PAN2: variants seen among roughly 807,000 people sequenced by gnomAD.
PAN2 encodes the protein poly(A) specific ribonuclease subunit PAN2.
In PAN2, 68 loss-of-function variants were observed where a neutral mutation model predicts 133.3. That is an observed-to-expected ratio of 0.51 (90% CI 0.42 to 0.62). The LOEUF is 0.62. PAN2 is among the 20% of genes least tolerant of loss of function. The probability of loss-of-function intolerance (pLI) is 0.00; values close to 1 mark genes in which losing one functional copy is unlikely to be tolerated. For missense variants in PAN2, 1,042 were observed against 1,500.5 expected (o/e 0.69, Z 5.05); for synonymous variants, 462 against 544.6 (o/e 0.85, Z 2.11).
intron 6 of PAN2, 32 bp from the exon 7 acceptor site, chr12:56,326,991 A>G: frequency 6.4e-7 from 1 of 1,552,342 alleles, no homozygotes; most frequent in Non-Finnish European, 8.8e-7. Context: ...ACTGAGCCCT[A>G]GAAAGTGAAA....
chr12:56,324,810 G>C (rs528691431), intron 10 of PAN2, 101 bp from the exon 11 acceptor site: 317 of 1,472,876 alleles, frequency 2.2e-4, no homozygotes, highest in Non-Finnish European at 2.8e-4. Context: ...CCAGAAGCAG[G>C]AGTCCACCGA....
rs1277568792 is a variant in PAN2 at position 56,325,388 on chromosome 12, C to T, written c.1426G>A (p.Val476Ile). 1.9e-6 allele frequency: 3 copies of T among 1,614,204 alleles called. No individual in the cohort carries two copies. The South Asian group carries it at 3.3e-5, about 18-fold the overall frequency. The stretch of plus-strand genomic sequence containing the variant: ...AGATGTGGTTCCTCTTCTCGTCCTA[C>T]TGGTGACTCAGTGACCTGGCTGAAG... ...DSFSQVTESP[V>I]GREEEPHLHM... The change falls in exon 9 of 26, where the codon GTA becomes ATA. Residue 476 changes from valine (V) to isoleucine (I), a missense_variant. Transcript: ENST00000440411.
rs752194855 is a variant in PAN2 at position 56,332,866 on chromosome 12, A to T, written c.229T>A (p.Ser77Thr). The T allele has an allele frequency of 5.4e-5, 87 of 1,614,104 alleles. No homozygotes were observed. The highest frequency in any genetic ancestry group is 3.3e-4 in the Middle Eastern group (2 of 6,084). The change falls in exon 2 of 26, where the codon TCC becomes ACC. Residue 77 changes from serine (S) to threonine (T), a missense_variant. Physicochemically the swap from Ser to Thr is moderately conservative, Grantham distance 58. This residue lies in a region of PAN2 where 908 missense variants were observed against 1,223.5 expected (regional missense o/e 0.74). Coordinates refer to ENST00000440411, the MANE Select transcript of PAN2 (RefSeq NM_014871.6). Reference sequence around the variant, plus strand: ...TCGTGCAAGTCAAAGTGGGAGACGGAAACAGGTACACCCACTTCAGCCACC... The same window carrying T: ...TCGTGCAAGTCAAAGTGGGAGACGGTAACAGGTACACCCACTTCAGCCACC... ...SVVAEVGVPV[S>T]VSHFDLHEEM...
chr12:56,317,542 G>T lies in PAN2; in HGVS notation c.*67C>A. On this transcript the variant is annotated 3_prime_UTR_variant, in exon 26 of 26. Coordinates refer to ENST00000440411, the MANE Select transcript of PAN2 (RefSeq NM_014871.6). ...GGACAAGGTATAGCCAACTTAGGAA[G>T]CCATCTCCCAGTTCTGGGGCTATAG... The T allele has an allele frequency of 7.1e-7, 1 of 1,403,362 alleles. No homozygotes were observed. Among genetic ancestry groups the T allele is most frequent in the Non-Finnish European group, 1.0e-6 (1 of 990,656 alleles). 86.9% of individuals were successfully genotyped at this position (1,403,362 alleles called of 1,614,324 possible). A position where few individuals can be genotyped will look rare whatever the true frequency, so the allele number is the denominator to read the frequency against.
rs777628618 is a variant in PAN2 at position 56,328,392 on chromosome 12, C to T, written c.453-34G>A. ...GAGAGGAAAGGCTAAGGGGCCCAGG[C>T]CTTACAAGCTGCCAATCCCTTAGCC... On this transcript the variant is annotated intron_variant, in intron 3 of 25. Coordinates refer to ENST00000440411, the MANE Select transcript of PAN2 (RefSeq NM_014871.6). 2.9e-5 allele frequency: 47 copies of T among 1,595,970 alleles called. No homozygotes were observed. The Middle Eastern group carries it at 5.0e-4, about 17-fold the overall frequency.
Position 56,317,419 on chromosome 12 carries a change from C to G in PAN2, c.*190G>C, listed in dbSNP as rs1335938753. ...TGCAAAGAATGAAGAAGGAATGAAT[C>G]TGGCTCCTAGAACCTTTGCAACAAT... On this transcript the variant is annotated 3_prime_UTR_variant, in exon 26 of 26. Coordinates refer to ENST00000440411, the MANE Select transcript of PAN2 (RefSeq NM_014871.6). 3.3e-6 allele frequency: 2 copies of G among 608,920 alleles called. No individual in the cohort carries two copies. Among genetic ancestry groups the G allele is most frequent in the Non-Finnish European group, 6.0e-6 (2 of 335,832 alleles). The allele number at this position is 608,920 out of a possible 1,614,324, so 37.7% of individuals were successfully genotyped here. A position where few individuals can be genotyped will look rare whatever the true frequency, so the allele number is the denominator to read the frequency against.
chr12:56,331,745 G>A (rs939439741), intron 2 of PAN2, among the ~76,000 whole-genome samples: 2 of 147,502 alleles, frequency 1.4e-5, no homozygotes, highest in Non-Finnish European at 3.0e-5. Context: ...ACGGAGTCTC[G>A]CTCTGTCACC....
chr12:56,328,286 C>G lies in PAN2; in HGVS notation c.525G>C (p.Gln175His). 1 of 1,609,058 alleles carries G rather than the reference C, an allele frequency of 6.2e-7. No individual in the cohort carries two copies. The highest frequency in any genetic ancestry group is 1.3e-5 in the African/African-American group (1 of 74,952). The change falls in exon 4 of 26, where the codon CAG becomes CAC. Residue 175 changes from glutamine (Q) to histidine (H), a missense_variant. Physicochemically the swap from Gln to His is conservative, Grantham distance 24. Coordinates refer to ENST00000440411, the MANE Select transcript of PAN2 (RefSeq NM_014871.6). ...DSSTLLVGGL[Q>H]NHIIEIDLNT... ...TAAGATCAATCTCTATTATGTGATTCTGCAGCCCACCAACGAGTAGAGTGC... is the reference window on the plus strand; with the variant it reads ...TAAGATCAATCTCTATTATGTGATTGTGCAGCCCACCAACGAGTAGAGTGC...
At chr12:56,320,094 G>T in intron 20 of PAN2, 73 bp from the exon 21 acceptor site, 1 of 1,412,248 alleles carries the variant, frequency 7.1e-7, no homozygotes. Flanking sequence ...CAGTGTGGCT[G>T]ATCATCGACT....
intron 20 of PAN2, among the ~76,000 whole-genome samples, chr12:56,321,573 G>T (rs1300020385): frequency 6.6e-6 from 1 of 151,042 alleles, no homozygotes; most frequent in South Asian, 2.1e-4. Flanking sequence ...TTTTTAGGCT[G>T]GGTGTAGTTG....
At chr12:56,332,094 T>A (rs1284626234) in intron 2 of PAN2, among the ~76,000 whole-genome samples, 3 of 152,108 alleles carry the variant, frequency 2.0e-5, no homozygotes, top group East Asian at 3.8e-4. Flanking sequence ...AAATTAAGAT[T>A]GATAACTGCT....
chr12:56,322,325 C>T (rs569568631), intron 19 of PAN2, 98 bp downstream of exon 19: 11 of 1,153,274 alleles, frequency 9.5e-6, no homozygotes, highest in South Asian at 6.3e-5. Context: ...TCCTTCCTCC[C>T]TCCCTGTTGA....
rs907878524 is a variant in PAN2, at chr12:56,325,001, A to G, written c.1599+8T>C. ...CACGTTCAAGTTACAGGAATACCCA[A>G]CCCTTACCTGGATCATGCAGTTACA... On this transcript the variant is annotated splice_region_variant and intron_variant, in intron 10 of 25. Coordinates refer to ENST00000440411, the MANE Select transcript of PAN2 (RefSeq NM_014871.6). The G allele has an allele frequency of 2.5e-5, 41 of 1,613,642 alleles. No individual in the cohort carries two copies. The highest frequency in any genetic ancestry group is 4.0e-5 in the African/African-American group (3 of 74,866).
In PAN2 at chr12:56,324,564, T is replaced by G. The variant is rs765076334; in HGVS notation, c.1728+17A>C. The G allele has an allele frequency of 6.2e-7, 1 of 1,612,906 alleles. No individual in the cohort carries two copies. Among genetic ancestry groups the G allele is most frequent in the Non-Finnish European group, 8.5e-7 (1 of 1,179,218 alleles). ...ACCTTCCTTCCCCTTCCATTTTAAGTGTCTCCAAGTACTGACCTGGCAAGG... is the reference window on the plus strand; with the variant it reads ...ACCTTCCTTCCCCTTCCATTTTAAGGGTCTCCAAGTACTGACCTGGCAAGG... On this transcript the variant is annotated intron_variant, in intron 11 of 25. Transcript: ENST00000440411.
rs145479039 is a variant in PAN2 at position 56,323,157 on chromosome 12, A to G, written c.2398T>C (p.Leu800=). The G allele has an allele frequency of 5.1e-5, 83 of 1,613,924 alleles. 1 individual carries two copies. The African/African-American group carries it at 6.9e-4, about 13-fold the overall frequency. The part of the protein sequence containing the change: ...GVLVCPSIEE[L]KNVWLPFSIR... ...GAGAAAGGAAGCCAGACGTTCTTCAACTCCTCAATGGAGGGACACACCAGC... is the reference window on the plus strand; with the variant it reads ...GAGAAAGGAAGCCAGACGTTCTTCAGCTCCTCAATGGAGGGACACACCAGC... Residue 800 remains leucine, a synonymous_variant, in exon 17 of 26, where the codon TTG becomes CTG. Transcript: ENST00000440411.
intron 20 of PAN2, among the ~76,000 whole-genome samples, chr12:56,320,372 T>C (rs1169690279): frequency 6.6e-6 from 1 of 152,162 alleles, no homozygotes; most frequent in Non-Finnish European, 1.5e-5. Context: ...GCGCGGTGGC[T>C]AATGCCTGTA....
In PAN2 at chr12:56,331,546, G is replaced by C. The variant is rs144124153; in HGVS notation, c.282+1267C>G. Among the ~76,000 whole-genome samples the C allele has an allele frequency of 3.2e-3, 490 of 152,216 alleles. 3 individuals are homozygous for C. Among genetic ancestry groups the C allele is most frequent in the African/African-American group, 0.01 (431 of 41,542 alleles). ...CTCACTGTCCTGTAAACTCCTTGAG[G>C]GCAAGGATTATGTTTTATTTAGCTT... is the stretch of plus-strand genomic sequence containing the variant. On this transcript the variant is annotated intron_variant, in intron 2 of 25. Transcript: ENST00000440411.
intron 2 of PAN2, among the ~76,000 whole-genome samples, chr12:56,331,377 A>C (rs563234038): frequency 3.8e-4 from 58 of 152,074 alleles, no homozygotes; most frequent in Non-Finnish European, 6.9e-4. Flanking sequence ...CCTGATTTCT[A>C]CTCATGTTGC....
chr12:56,323,186 C>T lies in PAN2; in HGVS notation c.2369G>A (p.Gly790Asp). The T allele has an allele frequency of 6.2e-7, 1 of 1,614,148 alleles. No individual in the cohort carries two copies. Among genetic ancestry groups the T allele is most frequent in the East Asian group, 2.2e-5 (1 of 44,890 alleles). ...CTCAATGGAGGGACACACCAGCACA[C>T]CCTCTGGACTCCCTAGTTCCTTCCT... Reference protein sequence around the residue: ...ADWKELGSPEGVLVCPSIEEL... With the variant: ...ADWKELGSPEDVLVCPSIEEL... Residue 790 changes from glycine (G) to aspartate (D), a missense_variant, in exon 17 of 26, where the codon GGT (glycine) becomes GAT (aspartate). Transcript: ENST00000440411.
Sources: gnomAD v4.1 joint callset for allele counts (sites outside exome capture counted in the v4.1 genomes callset) on GRCh38, gnomAD v4.1.1 for gene constraint, gnomAD v4.1.1 regional missense constraint, MANE v1.5 for transcripts, NCBI Gene and HGNC (gene_info 2026-07-23, HGNC 2026-07-21) for gene names.